TMEM161B: variants seen among roughly 807,000 people sequenced by gnomAD.
TMEM161B encodes the protein transmembrane protein 161B.
Under a neutral mutation model 61.8 loss-of-function variants are expected in TMEM161B, and 34 were observed. That is an observed-to-expected ratio of 0.55 (90% CI 0.42 to 0.73). The LOEUF is 0.73. Among genes scored for constraint, TMEM161B ranks in the 30% least tolerant of loss-of-function variants. The pLI is 0.00. For missense variants in TMEM161B, 456 were observed against 558.5 expected, an observed-to-expected ratio of 0.82 and a Z score of 1.85; for synonymous variants, 167 against 192.8, an observed-to-expected ratio of 0.87 and a Z score of 1.11.
In TMEM161B at chr5:88,268,705, T is replaced by C. The variant is rs750643347; in HGVS notation, c.3+16A>G. ...CGCCCCACCGTTGTCACTCCTGCCC[T>C]CACAGAAGAACTCACCATGGCGCCT... On this transcript the variant is annotated intron_variant, in intron 1 of 11. Coordinates refer to ENST00000296595, the MANE Select transcript of TMEM161B (RefSeq NM_153354.5). The C allele has an allele frequency of 1.9e-6, 3 of 1,613,948 alleles. No individual in the cohort carries two copies. The African/African-American group carries it at 4.0e-5, about 22-fold the overall frequency.
At chr5:88,267,909 C>T (rs555550067) in intron 1 of TMEM161B, among the ~76,000 whole-genome samples, 2 of 152,220 alleles carry the variant, frequency 1.3e-5, no homozygotes, top group South Asian at 4.2e-4. Context: ...GAATTTTGTC[C>T]TTCCCTCAGT....
At chr5:88,254,156 A>G (rs780984139) in intron 1 of TMEM161B, among the ~76,000 whole-genome samples, 2 of 152,150 alleles carry the variant, frequency 1.3e-5, no homozygotes, top group Non-Finnish European at 2.9e-5. Context: ...TTTATCTATT[A>G]CAAGATCTCA....
rs1488316549 is a variant in TMEM161B at position 88,225,885 on chromosome 5, T to C, written c.192-19A>G. On this transcript the variant is annotated intron_variant, in intron 3 of 11. Transcript: ENST00000296595. ...ATATTTCCTATAAAAATCAGACAAGTGACACAAAAAACAAGTTACCTACAC... is the reference window on the plus strand; with the variant it reads ...ATATTTCCTATAAAAATCAGACAAGCGACACAAAAAACAAGTTACCTACAC... 1 of 1,541,430 alleles carries C rather than the reference T, an allele frequency of 6.5e-7. No individual in the cohort carries two copies. Among genetic ancestry groups the C allele is most frequent in the Non-Finnish European group, 8.9e-7 (1 of 1,125,958 alleles).
chr5:88,268,621 T>TC (rs1756745285), intron 1 of TMEM161B, 100 bp downstream of exon 1: 2 of 1,557,494 alleles, frequency 1.3e-6, no homozygotes, highest in Admixed American at 3.4e-5. Flanking sequence ...ACGTCTCAAC[T>TC]CCATTCTGAG....
At chr5:88,226,016 A>C in intron 3 of TMEM161B, 150 bp from the exon 4 acceptor site, 1 of 528,000 alleles carries the variant, frequency 1.9e-6, no homozygotes, top group African/African-American at 1.9e-5. Flanking sequence ...AAAGTACTCA[A>C]AGGTAGTTTT....
At chr5:88,198,653 T>C (rs1750126628) in intron 10 of TMEM161B, 1 of 188,204 alleles carries the variant, frequency 5.3e-6, no homozygotes, top group Admixed American at 6.0e-5. Flanking sequence ...TCCTACTCTT[T>C]AAGTCTTAAA....
chr5:88,215,778 G>A (rs909480423), intron 5 of TMEM161B, among the ~76,000 whole-genome samples: 1 of 152,138 alleles, frequency 6.6e-6, no homozygotes, highest in Admixed American at 6.5e-5. Flanking sequence ...GCATTATAGA[G>A]TAAAATGAAA....
At chr5:88,211,046 G>A (rs1463137632) in intron 5 of TMEM161B, among the ~76,000 whole-genome samples, 1 of 152,044 alleles carries the variant, frequency 6.6e-6, no homozygotes, top group Non-Finnish European at 1.5e-5. Flanking sequence ...CTCAAGAGCT[G>A]TACAAAAACA....
intron 4 of TMEM161B, 97 bp downstream of exon 4, chr5:88,225,672 A>T: frequency 1.5e-6 from 1 of 688,368 alleles, no homozygotes; most frequent in Non-Finnish European, 2.4e-6. Context: ...AAGATTCCAT[A>T]TTCTCTATAA....
rs114818125 is a variant in TMEM161B at position 88,202,279 on chromosome 5, C to T, written c.914+683G>A. 1,298 of 303,400 alleles carry T rather than the reference C, an allele frequency of 4.3e-3. 16 individuals are homozygous for T. The highest frequency in any genetic ancestry group is 0.027 in the African/African-American group (1,237 of 46,110). 18.8% of individuals were successfully genotyped at this position (303,400 alleles called of 1,614,324 possible). A position where few individuals can be genotyped will look rare whatever the true frequency, so the allele number is the denominator to read the frequency against. On this transcript the variant is annotated intron_variant, in intron 9 of 11. Coordinates refer to ENST00000296595, the MANE Select transcript of TMEM161B (RefSeq NM_153354.5). ...AACAGATCAAGTCTAGTTATTAATG[C>T]CTATTAATAAACTGTTTGTTTCCTC...
intron 1 of TMEM161B, among the ~76,000 whole-genome samples, chr5:88,251,776 A>T (rs926199161): frequency 6.6e-6 from 1 of 152,206 alleles, no homozygotes; most frequent in Non-Finnish European, 1.5e-5. Flanking sequence ...AAATAGAAAA[A>T]GCATATGAAA....
chr5:88,238,065 A>AT (rs1752153541), intron 2 of TMEM161B, among the ~76,000 whole-genome samples: 1 of 152,146 alleles, frequency 6.6e-6, no homozygotes, highest in Non-Finnish European at 1.5e-5. Flanking sequence ...TTTTATTTGC[A>AT]TAAAAACTAC....
chr5:88,192,153 C>G (rs2112302272), downstream of TMEM161B, among the ~76,000 whole-genome samples: 1 of 148,098 alleles, frequency 6.8e-6, no homozygotes, highest in East Asian at 2.0e-4. Flanking sequence ...AACTATGATA[C>G]TACTTTATTT....
chr5:88,253,946 T>C (rs1046478093), intron 1 of TMEM161B, among the ~76,000 whole-genome samples: 4 of 151,822 alleles, frequency 2.6e-5, no homozygotes, highest in African/African-American at 9.7e-5. Context: ...GGCATAATCA[T>C]TGGATAAACT....
At chr5:88,214,108 T>A (rs1354972888) in intron 5 of TMEM161B, among the ~76,000 whole-genome samples, 2 of 152,198 alleles carry the variant, frequency 1.3e-5, no homozygotes, top group Non-Finnish European at 2.9e-5. Context: ...AATCTACATA[T>A]AGAACTGATT....
chr5:88,253,332 A>C (rs542571814), intron 1 of TMEM161B, among the ~76,000 whole-genome samples: 1 of 152,294 alleles, frequency 6.6e-6, no homozygotes, highest in South Asian at 2.1e-4. Flanking sequence ...TATAAGTGGT[A>C]TGGTAGAGAT....
downstream of TMEM161B, among the ~76,000 whole-genome samples, chr5:88,188,221 C>T (rs1748477779): frequency 6.6e-6 from 1 of 152,044 alleles, no homozygotes; most frequent in South Asian, 2.1e-4. Context: ...TCTCCTGCCT[C>T]AGCCTCCTGA....
At chr5:88,252,992 C>T (rs1436333657) in intron 1 of TMEM161B, among the ~76,000 whole-genome samples, 1 of 152,050 alleles carries the variant, frequency 6.6e-6, no homozygotes, top group East Asian at 1.9e-4. Context: ...CAGAAAGCAG[C>T]AAATATCATT....
At chr5:88,224,006 T>C (rs906708085) in intron 4 of TMEM161B, among the ~76,000 whole-genome samples, 1 of 152,196 alleles carries the variant, frequency 6.6e-6, no homozygotes, top group African/African-American at 2.4e-5. Flanking sequence ...CCTTTACAGA[T>C]GTAATAATAA....
Sources: allele counts gnomAD v4.1 joint callset (sites outside exome capture counted in the v4.1 genomes callset), GRCh38; gene constraint gnomAD v4.1.1; transcripts MANE v1.5; gene names NCBI Gene and HGNC (gene_info 2026-07-23, HGNC 2026-07-21).